Variants in DTX4 observed in about 807,000 individuals in gnomAD.
DTX4 encodes deltex E3 ubiquitin ligase 4.
In DTX4, 28 loss-of-function variants were observed where a neutral mutation model predicts 57.6. The observed-to-expected ratio is 0.49, with a 90% confidence interval of 0.36 to 0.67. The LOEUF (loss-of-function observed/expected upper bound fraction) is 0.67. Among genes scored for constraint, DTX4 ranks in the 30% least tolerant of loss-of-function variants. The pLI, the probability that DTX4 is intolerant of heterozygous loss-of-function variation, is 0.00. For synonymous variants in DTX4, 316 were observed against 331.0 expected, an observed-to-expected ratio of 0.95 and a Z score of 0.49; for missense variants, 715 against 836.8, an observed-to-expected ratio of 0.85 and a Z score of 1.80.
At chr11:59,183,636 A>G (rs540772228) in intron 2 of DTX4, among the ~76,000 whole-genome samples, 1 of 152,316 alleles carries the variant, frequency 6.6e-6, no homozygotes, top group Non-Finnish European at 1.5e-5. Context: ...GGCTGCTCTA[A>G]GAAGGTGGTT....
At chr11:59,174,441 G>A (rs1160568750) in intron 1 of DTX4, among the ~76,000 whole-genome samples, 1 of 147,320 alleles carries the variant, frequency 6.8e-6, no homozygotes, top group Non-Finnish European at 1.5e-5. Flanking sequence ...CACGGAGGTG[G>A]GACCAGAGAG....
chr11:59,186,619 G>A lies in DTX4; in HGVS notation c.936-2116G>A, dbSNP rs567297750. Among the ~76,000 whole-genome samples, 14 of 152,294 alleles carry A rather than the reference G, an allele frequency of 9.2e-5. No homozygotes were observed. The East Asian group carries it at 1.7e-3, about 19-fold the overall frequency. On this transcript the variant is annotated intron_variant, in intron 2 of 8. Coordinates refer to ENST00000227451, the MANE Select transcript of DTX4 (RefSeq NM_015177.2). ...GGTGGGAAGTTGTCAGCCAGTTTCC[G>A]TAGCGTCTTCTAACCCAAGACCCTC...
rs1254405950 is a variant in DTX4, at chr11:59,172,294, G to A, written c.-302G>A. On this transcript the variant is annotated 5_prime_UTR_variant, in exon 1 of 9. Transcript: ENST00000227451. ...AGTGGCTTTTGCAAGGCGGGGGCCT[G>A]TTTGCAGAGAGCCGGGCATTTGCAT... Among the ~76,000 whole-genome samples the A allele has an allele frequency of 6.6e-6, 1 of 151,946 alleles. No individual in the cohort carries two copies. Among genetic ancestry groups the A allele is most frequent in the African/African-American group, 2.4e-5 (1 of 41,414 alleles).
rs370205983 is a variant in DTX4, at chr11:59,184,264, G to A, written c.935+1802G>A. Among the ~76,000 whole-genome samples, 223 of 152,276 alleles carry A rather than the reference G, an allele frequency of 1.5e-3. 3 individuals are homozygous for A. The South Asian group carries it at 0.037, about 26-fold the overall frequency. ...AGGCTCCTGTGCTGGGTAAGAACCC[G>A]TCCTCCAGAAACTAGGACTGTCTGG... On this transcript the variant is annotated intron_variant, in intron 2 of 8. Coordinates refer to ENST00000227451, the MANE Select transcript of DTX4 (RefSeq NM_015177.2).
At chr11:59,176,618 C>T (rs1446174023) in intron 1 of DTX4, among the ~76,000 whole-genome samples, 1 of 152,200 alleles carries the variant, frequency 6.6e-6, no homozygotes, top group Non-Finnish European at 1.5e-5. Flanking sequence ...TTGGACCTAG[C>T]GCATGCCCTA....
chr11:59,177,876 T>C (rs12271024), intron 1 of DTX4, among the ~76,000 whole-genome samples: 4,401 of 152,322 alleles, frequency 0.029, 211 homozygotes, highest in African/African-American at 0.1. Flanking sequence ...TGAATCAATA[T>C]TTTGGAGTGC....
At chr11:59,179,845 C>CCTGT (rs1030844822) in intron 1 of DTX4, among the ~76,000 whole-genome samples, 2 of 152,024 alleles carry the variant, frequency 1.3e-5, no homozygotes, top group African/African-American at 4.8e-5. Context: ...AGAAGAAAAT[C>CCTGT]CTGTGTCAGT....
intron 5 of DTX4, among the ~76,000 whole-genome samples, chr11:59,191,847 G>T (rs570435926): frequency 6.6e-6 from 1 of 152,318 alleles, no homozygotes; most frequent in African/African-American, 2.4e-5. Flanking sequence ...GAAGGACAGT[G>T]CATTGTTATA....
chr11:59,172,975 T>C (rs2135508651), intron 1 of DTX4, among the ~76,000 whole-genome samples, 169 bp downstream of exon 1: 1 of 152,110 alleles, frequency 6.6e-6, no homozygotes, highest in South Asian at 2.1e-4. Flanking sequence ...CCTCGCAGGA[T>C]CCTCCCTCCC....
Position 59,204,317 on chromosome 11 carries a change from G to T in DTX4, c.1627-359G>T, listed in dbSNP as rs1340907564. On this transcript the variant is annotated intron_variant, in intron 8 of 8. Coordinates refer to ENST00000227451, the MANE Select transcript of DTX4 (RefSeq NM_015177.2). ...TCAAAATGCAGCCGTTATGTTGGCA[G>T]ATAACATTTATCAATTAGTGCGTTG... Among the ~76,000 whole-genome samples the T allele has an allele frequency of 1.3e-5, 2 of 152,216 alleles. 1 individual carries two copies. The highest frequency in any genetic ancestry group is 4.8e-5 in the African/African-American group (2 of 41,446).
At chr11:59,191,865 C>T (rs892160380) in intron 5 of DTX4, among the ~76,000 whole-genome samples, 2 of 152,106 alleles carry the variant, frequency 1.3e-5, no homozygotes, top group African/African-American at 2.4e-5. Flanking sequence ...ATAGCCCTCA[C>T]GATTATGATA....
Position 59,172,715 on chromosome 11 carries a change from G to A in DTX4, c.120G>A (p.Ala40=), listed in dbSNP as rs762945129. 2.5e-6 allele frequency: 4 copies of A among 1,602,136 alleles called. No individual in the cohort carries two copies. The South Asian group carries it at 4.5e-5, about 18-fold the overall frequency. The change falls in exon 1 of 9, where the codon GCG becomes GCA. Residue 40 remains alanine, a synonymous_variant. Coordinates refer to ENST00000227451, the MANE Select transcript of DTX4 (RefSeq NM_015177.2). ...IEAVVRAGPR[A]GGSVVLGQVD... is the part of the protein sequence containing the mutation. ...CGGTGGTCCGCGCCGGCCCCCGCGC[G>A]GGGGGCAGCGTGGTGCTGGGCCAGG...
intron 1 of DTX4, among the ~76,000 whole-genome samples, chr11:59,174,318 G>A (rs1862368162): frequency 6.6e-6 from 1 of 151,892 alleles, no homozygotes; most frequent in African/African-American, 2.4e-5. Flanking sequence ...ATTAAGTGTG[G>A]CTGAGGGGGA....
chr11:59,199,658 T>TTTGC (rs760717087), intron 7 of DTX4, 26 bp from the exon 8 acceptor site: 86 of 1,547,824 alleles, frequency 5.6e-5, no homozygotes, highest in Admixed American at 1.9e-4. Flanking sequence ...AAAAATGCCA[T>TTTGC]TTGCTTGCTT....
intron 4 of DTX4, among the ~76,000 whole-genome samples, chr11:59,189,561 A>C (rs1482623561): frequency 6.6e-6 from 1 of 152,250 alleles, no homozygotes; most frequent in East Asian, 1.9e-4. Context: ...AAACATAAAA[A>C]TATAAGGCGT....
At chr11:59,178,038 A>T (rs775218730) in intron 1 of DTX4, among the ~76,000 whole-genome samples, 7 of 152,186 alleles carry the variant, frequency 4.6e-5, no homozygotes, top group African/African-American at 7.2e-5. Flanking sequence ...TGCTATTAAA[A>T]TTTTTTTAAA....
At chr11:59,171,852 A>G (rs1032412728), upstream of DTX4, among the ~76,000 whole-genome samples, 2 of 151,822 alleles carry the variant, frequency 1.3e-5, no homozygotes, top group African/African-American at 4.8e-5. Flanking sequence ...AGAGAGAGAG[A>G]GAAAATTACA....
chr11:59,188,298 C>T (rs1862554000), intron 2 of DTX4, among the ~76,000 whole-genome samples: 1 of 152,124 alleles, frequency 6.6e-6, no homozygotes, highest in Non-Finnish European at 1.5e-5. Flanking sequence ...GTCTCAGGAA[C>T]CTCACCTGAT....
At chr11:59,189,646 C>T (rs1375378403) in intron 4 of DTX4, among the ~76,000 whole-genome samples, 1 of 152,192 alleles carries the variant, frequency 6.6e-6, no homozygotes, top group Admixed American at 6.5e-5. Flanking sequence ...TCAAATCGTA[C>T]CTTTGTTTCT....
Sources: gnomAD v4.1 joint callset for allele counts (sites outside exome capture counted in the v4.1 genomes callset) on GRCh38, gnomAD v4.1.1 for gene constraint, MANE v1.5 for transcripts, NCBI Gene and HGNC (gene_info 2026-07-23, HGNC 2026-07-21) for gene names.